The following KIF6 variants were observed in gnomAD, a reference collection of about 807,000 sequenced individuals.
KIF6 encodes kinesin family member 6.
KIF6 carries 106 observed loss-of-function variants against 112.7 expected under a neutral mutation model. That is an observed-to-expected ratio of 0.94 (90% CI 0.80 to 1.11). The LOEUF (loss-of-function observed/expected upper bound fraction) is 1.11, where lower values mean the gene tolerates loss of function less well. Ranked by LOEUF, KIF6 falls within the 50% of genes least tolerant of loss-of-function variation. The pLI is 0.00. For missense variants in KIF6, 929 were observed against 964.0 expected, an observed-to-expected ratio of 0.96 and a Z score of 0.48; for synonymous variants, 339 against 339.9, an observed-to-expected ratio of 1.00 and a Z score of 0.03.
At chr6:39,520,933 C>T (rs1407934039) in intron 13 of KIF6, among the ~76,000 whole-genome samples, 2 of 152,262 alleles carry the variant, frequency 1.3e-5, no homozygotes, top group Non-Finnish European at 2.9e-5. Flanking sequence ...GTTGTCAGAA[C>T]AATTGATAGA....
chr6:39,691,335 C>T (rs543411572), intron 3 of KIF6: 3 of 152,184 alleles, frequency 2.0e-5, no homozygotes, highest in Admixed American at 1.3e-4. Context: ...AAGTCAGTGT[C>T]GAAAATGCTC....
intron 13 of KIF6, among the ~76,000 whole-genome samples, chr6:39,492,727 T>C (rs1200818547): frequency 2.6e-5 from 4 of 152,194 alleles, no homozygotes; most frequent in Non-Finnish European, 5.9e-5. Flanking sequence ...TATACATGTG[T>C]GGGGTGGTAA....
At position 39,714,765 on chromosome 6, in the gene KIF6, A is replaced by C; in HGVS notation, c.178T>G (p.Phe60Val). The change falls in exon 3 of 23, where the codon TTT becomes GTT. Residue 60 changes from phenylalanine (F) to valine (V), a missense_variant and splice_region_variant. By Grantham distance (50) the Phe-to-Val change is conservative. Around this residue, in one of 2 missense-constraint regions of KIF6, gnomAD observed 688 missense variants for 662.7 expected, o/e 1.04. Transcript: ENST00000287152. ...GCATCCTGATCAAAAATTCTTTGAA[A>C]TCTGCAATGTGAAAAATAGTAATTA... ...NNKRESYKFKFQRIFDQDANQ... is the reference protein window; with the variant it reads ...NNKRESYKFKVQRIFDQDANQ... 6.2e-7 allele frequency: 1 copy of C among 1,601,846 alleles called. No homozygotes were observed. The highest frequency in any genetic ancestry group is 8.6e-7 in the Non-Finnish European group (1 of 1,169,048).
intron 13 of KIF6, among the ~76,000 whole-genome samples, chr6:39,442,835 T>C (rs573132201): frequency 6.6e-6 from 1 of 151,932 alleles, no homozygotes; most frequent in East Asian, 2.0e-4. Context: ...CCAGATCGGC[T>C]GGGCGCGATG....
intron 13 of KIF6, among the ~76,000 whole-genome samples, chr6:39,527,400 C>T (rs1777796489): frequency 1.3e-5 from 2 of 152,048 alleles, no homozygotes; most frequent in African/African-American, 4.8e-5. Flanking sequence ...AAACTATTTA[C>T]TTGCTCTCCA....
chr6:39,430,551 A>G (rs1236923517), intron 14 of KIF6, among the ~76,000 whole-genome samples: 2 of 152,204 alleles, frequency 1.3e-5, no homozygotes, highest in African/African-American at 4.8e-5. Context: ...GCACAGCCCC[A>G]TCTGACAACA....
chr6:39,633,169 AT>A (rs757874991), intron 5 of KIF6, among the ~76,000 whole-genome samples: 3 of 152,206 alleles, frequency 2.0e-5, no homozygotes, highest in Non-Finnish European at 4.4e-5. Flanking sequence ...TTTAAAAATT[AT>A]TTGTGGAATT....
chr6:39,445,681 T>C (rs573774119), intron 13 of KIF6, among the ~76,000 whole-genome samples: 1 of 152,290 alleles, frequency 6.6e-6, no homozygotes, highest in East Asian at 1.9e-4. Flanking sequence ...GGTGGTCAGA[T>C]TGCAGAAGGA....
At chr6:39,453,924 A>ATTTTTTTT (rs1772863779) in intron 13 of KIF6, among the ~76,000 whole-genome samples, 1 of 152,146 alleles carries the variant, frequency 6.6e-6, no homozygotes, top group African/African-American at 2.4e-5. Context: ...TCCCTTACTG[A>ATTTTTTTT]CTACTACACT....
chr6:39,466,393 A>G (rs976633974), intron 13 of KIF6, among the ~76,000 whole-genome samples: 12 of 152,222 alleles, frequency 7.9e-5, no homozygotes, highest in African/African-American at 2.9e-4. Flanking sequence ...AGAGGACCTC[A>G]TCACCAGTGA....
intron 22 of KIF6, among the ~76,000 whole-genome samples, chr6:39,337,155 T>C (rs140739456): frequency 0.013 from 712 of 53,486 alleles, 23 homozygotes; most frequent in African/African-American, 0.089. Context: ...TTTCTCTTTC[T>C]TTTCTTTCTT....
chr6:39,369,851 C>T (rs78928964), intron 16 of KIF6, among the ~76,000 whole-genome samples: 2,805 of 152,254 alleles, frequency 0.018, 99 homozygotes, highest in African/African-American at 0.064. Flanking sequence ...TCTCTCTCCA[C>T]GACTCCTTCT....
Position 39,334,677 on chromosome 6 carries a change from A to T in KIF6, c.*1855T>A, listed in dbSNP as rs952645253. ...AAGTTAGTAGACTCTACCCAGCTCT[A>T]GAGGGCTGAGGGCACTAAGGCATGC... On this transcript the variant is annotated 3_prime_UTR_variant, in exon 23 of 23. Transcript: ENST00000287152. 8 of 152,234 alleles carry T rather than the reference A, an allele frequency of 5.3e-5. No individual in the cohort carries two copies. The highest frequency in any genetic ancestry group is 1.9e-4 in the African/African-American group (8 of 41,466). 9.4% of individuals were successfully genotyped at this position (152,234 alleles called of 1,614,324 possible).
chr6:39,711,000 C>G (rs1296918746), intron 3 of KIF6, among the ~76,000 whole-genome samples: 1 of 150,680 alleles, frequency 6.6e-6, no homozygotes, highest in Non-Finnish European at 1.5e-5. Context: ...GCACTCCAGC[C>G]TGGGCAAAAG....
intron 13 of KIF6, among the ~76,000 whole-genome samples, chr6:39,506,193 T>A (rs954621337): frequency 6.6e-6 from 1 of 152,178 alleles, no homozygotes; most frequent in Non-Finnish European, 1.5e-5. Context: ...TGAGGTCATA[T>A]CCTTTGCAGG....
intron 3 of KIF6, among the ~76,000 whole-genome samples, chr6:39,665,736 A>G (rs948781218): frequency 5.3e-5 from 8 of 152,034 alleles, no homozygotes. Context: ...CTTTTAGGAC[A>G]TAACTCTCCT....
intron 3 of KIF6, among the ~76,000 whole-genome samples, chr6:39,662,963 T>G (rs978273884): frequency 6.6e-6 from 1 of 151,926 alleles, no homozygotes; most frequent in Non-Finnish European, 1.5e-5. Context: ...GGCACCATCA[T>G]GGCTCACTGC....
At chr6:39,580,599 TGCTCAAACACTTTTTCTG>T (rs1399383304) in intron 9 of KIF6, among the ~76,000 whole-genome samples, 2 of 152,228 alleles carry the variant, frequency 1.3e-5, no homozygotes, top group Non-Finnish European at 2.9e-5. Context: ...ATGTTTAATG[TGCTCAAACACTTTTTCTG>T]CAACTAGGGA....
At chr6:39,523,685 T>C (rs1437830019) in intron 13 of KIF6, among the ~76,000 whole-genome samples, 2 of 118,330 alleles carry the variant, frequency 1.7e-5, no homozygotes, top group Non-Finnish European at 3.4e-5. Flanking sequence ...TATATATATA[T>C]ATATATATAT....
Sources: gnomAD v4.1 joint callset for allele counts (sites outside exome capture counted in the v4.1 genomes callset) on GRCh38, gnomAD v4.1.1 for gene constraint, gnomAD v4.1.1 regional missense constraint, MANE v1.5 for transcripts, NCBI Gene and HGNC (gene_info 2026-07-23, HGNC 2026-07-21) for gene names.